Variants in SOX6 observed in about 807,000 individuals in gnomAD.
The protein encoded by SOX6 is SRY-box transcription factor 6.
In SOX6, 11 loss-of-function variants were observed where a neutral mutation model predicts 97.8. The ratio of observed to expected loss-of-function variants is 0.11; its 90% CI spans 0.07 to 0.19. SOX6 has a LOEUF of 0.19. SOX6 is among the 10% of genes least tolerant of loss of function. The pLI, the probability that SOX6 is intolerant of heterozygous loss-of-function variation, is 1.00. For missense variants in SOX6, 810 were observed against 1,039.5 expected, an observed-to-expected ratio of 0.78 and a Z score of 3.04; for synonymous variants, 360 against 371.4, an observed-to-expected ratio of 0.97 and a Z score of 0.35.
chr11:16,110,990 A>C (rs1478188858), intron 7 of SOX6, among the ~76,000 whole-genome samples: 1 of 152,234 alleles, frequency 6.6e-6, no homozygotes, highest in Non-Finnish European at 1.5e-5. Flanking sequence ...ATTAATGAGT[A>C]GAACAAGGTC....
At chr11:16,469,788 C>A (rs568126861) in intron 1 of SOX6, among the ~76,000 whole-genome samples, 1 of 152,100 alleles carries the variant, frequency 6.6e-6, no homozygotes, top group African/African-American at 2.4e-5. Flanking sequence ...AGATTCAAAA[C>A]TACAGCAAAT....
At position 16,583,670 on chromosome 11, in the gene SOX6, G is replaced by A. The variant is rs545899921; in HGVS notation, n.609+28411C>T. Among the ~76,000 whole-genome samples, 5 of 115,740 alleles carry A rather than the reference G, an allele frequency of 4.3e-5. No individual in the cohort carries two copies. The South Asian group carries it at 1.4e-3, about 32-fold the overall frequency. The allele number at this position is 115,740 out of a possible 152,430, so 75.9% of individuals were successfully genotyped here. A position where few individuals can be genotyped will look rare whatever the true frequency, so the allele number is the denominator to read the frequency against. On this transcript the variant is annotated intron_variant and non_coding_transcript_variant, in intron 4 of 5. Transcript: ENST00000524520. ...ACACACCACATTTTCTTTATCTGTT[G>A]GTAGACACTTAGGTTGATTCCATGT...
intron 7 of SOX6, among the ~76,000 whole-genome samples, chr11:16,101,181 T>A (rs1848937082): frequency 6.6e-6 from 1 of 151,650 alleles, no homozygotes; most frequent in Admixed American, 6.6e-5. Flanking sequence ...TTAGCATGGA[T>A]CTTGCCTGGA....
At chr11:16,539,366 A>C (rs1861365235) in intron 4 of SOX6, among the ~76,000 whole-genome samples, 1 of 152,216 alleles carries the variant, frequency 6.6e-6, no homozygotes. Flanking sequence ...AAGAGAAAGC[A>C]GGAAACATCT....
chr11:16,130,474 T>C (rs1849713541), intron 6 of SOX6, among the ~76,000 whole-genome samples: 1 of 151,954 alleles, frequency 6.6e-6, no homozygotes, highest in Non-Finnish European at 1.5e-5. Flanking sequence ...TACAATTTTT[T>C]GAAAATTACA....
intron 4 of SOX6, among the ~76,000 whole-genome samples, chr11:16,551,066 C>A (rs1404757069): frequency 6.6e-6 from 1 of 151,998 alleles, no homozygotes; most frequent in African/African-American, 2.4e-5. Flanking sequence ...AAAATATTAG[C>A]CAGATGTGGT....
At chr11:16,483,976 A>T in intron 4 of SOX6, 1 of 854,726 alleles carries the variant, frequency 1.2e-6, no homozygotes. Flanking sequence ...CTTGGCTGTG[A>T]TCACCTTGAT....
intron 4 of SOX6, among the ~76,000 whole-genome samples, chr11:16,563,788 A>T (rs1381304733): frequency 6.6e-6 from 1 of 152,214 alleles, no homozygotes; most frequent in East Asian, 1.9e-4. Flanking sequence ...ATAAATTCAA[A>T]GAAATTCATG....
At chr11:15,997,968 T>C (rs1166898850) in intron 13 of SOX6, among the ~76,000 whole-genome samples, 1 of 151,852 alleles carries the variant, frequency 6.6e-6, no homozygotes, top group East Asian at 1.9e-4. Flanking sequence ...TAATCCCAGC[T>C]ACTCAGGAGG....
intron 4 of SOX6, among the ~76,000 whole-genome samples, chr11:16,592,318 C>G (rs1259741899): frequency 6.7e-6 from 1 of 148,544 alleles, no homozygotes; most frequent in Non-Finnish European, 1.5e-5. Flanking sequence ...TGCCTAAGAT[C>G]TCTATTTCCT....
At chr11:16,523,386 G>A (rs1861103874) in intron 4 of SOX6, among the ~76,000 whole-genome samples, 1 of 151,940 alleles carries the variant, frequency 6.6e-6, no homozygotes, top group Non-Finnish European at 1.5e-5. Flanking sequence ...ATGACTACTG[G>A]GTACATAAGG....
At chr11:16,468,125 T>C (rs1245219542) in intron 1 of SOX6, among the ~76,000 whole-genome samples, 1 of 152,176 alleles carries the variant, frequency 6.6e-6, no homozygotes, top group Non-Finnish European at 1.5e-5. Context: ...CAATCTCAAG[T>C]TAAAAAGAAG....
intron 3 of SOX6, among the ~76,000 whole-genome samples, chr11:16,304,687 T>C (rs1041396823): frequency 6.6e-5 from 10 of 152,222 alleles, no homozygotes; most frequent in Non-Finnish European, 1.0e-4. Flanking sequence ...TCGTCTTATA[T>C]CCTGTGACCT....
At chr11:16,483,807 T>A (rs1860385983) in intron 4 of SOX6, among the ~76,000 whole-genome samples, 1 of 152,180 alleles carries the variant, frequency 6.6e-6, no homozygotes, top group South Asian at 2.1e-4. Flanking sequence ...CCAGTTCCTG[T>A]TGTAGTTGAG....
At chr11:16,296,122 C>G (rs1246496637) in intron 3 of SOX6, among the ~76,000 whole-genome samples, 1 of 152,070 alleles carries the variant, frequency 6.6e-6, no homozygotes, top group Non-Finnish European at 1.5e-5. Flanking sequence ...TTTTATAACT[C>G]TTTAAATTTG....
At position 16,063,499 on chromosome 11, in the gene SOX6, TATATATATATATATATATATA is replaced by T. The variant is rs1564933207; in HGVS notation, c.1102-7619_1102-7599del. Among the ~76,000 whole-genome samples the T allele has an allele frequency of 5.7e-3, 65 of 11,376 alleles. 3 individuals carry two copies. Among genetic ancestry groups the T allele is most frequent in the African/African-American group, 7.4e-3 (61 of 8,244 alleles). 7.5% of individuals were successfully genotyped at this position (11,376 alleles called of 152,430 possible). A position where few individuals can be genotyped will look rare whatever the true frequency, so the allele number is the denominator to read the frequency against. Reference sequence around the variant, plus strand: ...TGTAACTATATTTACCATAATTTTATATATATATATATATATATATATATATATATATATATATATATATAT... The same window carrying T: ...TGTAACTATATTTACCATAATTTTATTATATATATATATATATATATATAT... On this transcript the variant is annotated intron_variant, in intron 9 of 15. Transcript: ENST00000683767.
At chr11:16,563,176 G>A (rs1847834393) in intron 4 of SOX6, among the ~76,000 whole-genome samples, 1 of 151,906 alleles carries the variant, frequency 6.6e-6, no homozygotes, top group Non-Finnish European at 1.5e-5. Context: ...GAACCCATTT[G>A]AAACAAATGA....
intron 3 of SOX6, among the ~76,000 whole-genome samples, chr11:16,288,164 T>G (rs1160114631): frequency 2.0e-5 from 3 of 152,202 alleles, no homozygotes; most frequent in Admixed American, 6.6e-5. Context: ...AAGGGTCCAG[T>G]ATTCCCTGGA....
At chr11:16,385,216 A>G (rs7925322) in intron 1 of SOX6, among the ~76,000 whole-genome samples, 45,232 of 151,776 alleles carry the variant, frequency 0.3, 6,904 homozygotes, top group East Asian at 0.51. Flanking sequence ...TGCTTCCCTG[A>G]TCCCAATTAA....
Sources: gnomAD v4.1 joint callset for allele counts (sites outside exome capture counted in the v4.1 genomes callset) on GRCh38, gnomAD v4.1.1 for gene constraint, MANE v1.5 for transcripts, NCBI Gene and HGNC (gene_info 2026-07-23, HGNC 2026-07-21) for gene names.